RARB: variants seen among roughly 807,000 people sequenced by gnomAD.
RARB encodes retinoic acid receptor beta.
Under a neutral mutation model 51.9 loss-of-function variants are expected in RARB, and 17 were observed. The ratio of observed to expected loss-of-function variants is 0.33; its 90% CI spans 0.22 to 0.49. The LOEUF is 0.49. Ranked by LOEUF, RARB falls within the 20% of genes least tolerant of loss-of-function variation. RARB has a pLI of 0.99. For missense variants in RARB, 369 were observed against 550.8 expected (o/e 0.67, Z 3.30); for synonymous variants, 215 against 195.4 (o/e 1.10, Z -0.84).
At chr3:24,984,149 T>A (rs1040920829) in intron 2 of RARB, among the ~76,000 whole-genome samples, 1 of 152,152 alleles carries the variant, frequency 6.6e-6, no homozygotes, top group Non-Finnish European at 1.5e-5. Context: ...AAATGTAAGC[T>A]AAGCCAAGCA....
chr3:24,966,006 A>G (rs953431530), intron 2 of RARB, among the ~76,000 whole-genome samples: 14 of 152,206 alleles, frequency 9.2e-5, no homozygotes, highest in African/African-American at 3.4e-4. Flanking sequence ...GGAAAGTCAC[A>G]TTGGCCTGGT....
chr3:25,188,437 G>C (rs941850592), intron 5 of RARB, among the ~76,000 whole-genome samples: 1 of 152,070 alleles, frequency 6.6e-6, no homozygotes, highest in Non-Finnish European at 1.5e-5. Context: ...AAGATCAAAA[G>C]TATTCATGCC....
At chr3:25,169,894 G>A (rs1700614525) in intron 4 of RARB, among the ~76,000 whole-genome samples, 1 of 151,628 alleles carries the variant, frequency 6.6e-6, no homozygotes, top group Non-Finnish European at 1.5e-5. Flanking sequence ...AGACTGAGGT[G>A]GAAAGATTGC....
intron 2 of RARB, among the ~76,000 whole-genome samples, chr3:24,889,622 G>A (rs1247082940): frequency 6.6e-6 from 1 of 150,558 alleles, no homozygotes; most frequent in Non-Finnish European, 1.5e-5. Flanking sequence ...TTATTTGAGT[G>A]GTATGTCTTT....
intron 3 of RARB, among the ~76,000 whole-genome samples, chr3:25,121,721 G>C (rs1183530177): frequency 1.3e-5 from 2 of 152,096 alleles, no homozygotes; most frequent in Non-Finnish European, 2.9e-5. Flanking sequence ...GTAAATACTT[G>C]CTGAATTAAT....
At chr3:24,856,806 G>T (rs1197787282) in intron 1 of RARB, among the ~76,000 whole-genome samples, 1 of 152,166 alleles carries the variant, frequency 6.6e-6, no homozygotes, top group Non-Finnish European at 1.5e-5. Flanking sequence ...GTCAGACATA[G>T]TCTGAGGCAA....
intron 5 of RARB, among the ~76,000 whole-genome samples, chr3:25,200,318 G>C (rs1701358427): frequency 1.3e-5 from 2 of 150,978 alleles, no homozygotes; most frequent in African/African-American, 4.9e-5. Context: ...ATTTGTTTGA[G>C]TTCTCTGTAG....
chr3:25,522,721 C>T (rs906242260), intron 3 of RARB, among the ~76,000 whole-genome samples: 1 of 152,088 alleles, frequency 6.6e-6, no homozygotes, highest in Non-Finnish European at 1.5e-5. Context: ...AGCACAGCCC[C>T]GGGTAAGGGG....
At chr3:25,298,964 G>A (rs1327867558) in intron 5 of RARB, among the ~76,000 whole-genome samples, 1 of 152,096 alleles carries the variant, frequency 6.6e-6, no homozygotes, top group African/African-American at 2.4e-5. Flanking sequence ...ATGCTAACGT[G>A]CATTCCACAT....
At chr3:25,273,369 A>G (rs1297035204) in intron 5 of RARB, among the ~76,000 whole-genome samples, 2 of 152,208 alleles carry the variant, frequency 1.3e-5, no homozygotes, top group African/African-American at 4.8e-5. Flanking sequence ...TAACCTTTAA[A>G]ATCATCACCT....
At chr3:24,888,028 T>C (rs557424026) in intron 2 of RARB, among the ~76,000 whole-genome samples, 1 of 152,302 alleles carries the variant, frequency 6.6e-6, no homozygotes, top group Non-Finnish European at 1.5e-5. Flanking sequence ...TGTTGGATAC[T>C]GTTATTATAT....
chr3:25,496,791 CT>C (rs777994844), intron 2 of RARB, among the ~76,000 whole-genome samples: 1 of 152,306 alleles, frequency 6.6e-6, no homozygotes, highest in Non-Finnish European at 1.5e-5. Flanking sequence ...CCTGGGTTTA[CT>C]GAGAAAAGGA....
At position 25,216,926 on chromosome 3, in the gene RARB, T is replaced by C. The variant is rs184023805; in HGVS notation, c.178+42351T>C. Among the ~76,000 whole-genome samples the C allele has an allele frequency of 6.5e-3, 996 of 152,252 alleles. 7 individuals are homozygous for C. The highest frequency in any genetic ancestry group is 0.022 in the African/African-American group (896 of 41,540). On this transcript the variant is annotated intron_variant, in intron 5 of 11. Transcript: ENST00000383772. ...CATTCCCACACTGTAGAGTCCCATCTTTCTCTGGCCTATGTATTTTTTACA... is the reference window on the plus strand; with the variant it reads ...CATTCCCACACTGTAGAGTCCCATCCTTCTCTGGCCTATGTATTTTTTACA...
Position 25,421,403 on chromosome 3 carries a change from C to CTTTTTT in RARB, c.179-39767_179-39762dup, listed in dbSNP as rs766378555. On this transcript the variant is annotated intron_variant, in intron 5 of 11. Coordinates refer to the RARB transcript ENST00000383772. ...TTGCACTAACATTTTTTCTTCTTTTCTTTTTTTTTTTTTTTTTTTTTTTTT... is the reference window on the plus strand; with the variant it reads ...TTGCACTAACATTTTTTCTTCTTTTCTTTTTTTTTTTTTTTTTTTTTTTTTTTTTTT... Among the ~76,000 whole-genome samples, 624 of 72,372 alleles carry CTTTTTT rather than the reference C, an allele frequency of 8.6e-3. 13 individuals are homozygous for CTTTTTT. The highest frequency in any genetic ancestry group is 0.023 in the African/African-American group (362 of 15,498). The allele number at this position is 72,372 out of a possible 152,430, so 47.5% of individuals were successfully genotyped here.
chr3:25,177,979 C>A (rs1575198878), intron 5 of RARB, among the ~76,000 whole-genome samples: 1 of 152,070 alleles, frequency 6.6e-6, no homozygotes, highest in African/African-American at 2.4e-5. Context: ...AAGATCTTTT[C>A]AGCTCTAATA....
At chr3:25,499,074 C>G (rs1224032381) in intron 2 of RARB, among the ~76,000 whole-genome samples, 1 of 152,174 alleles carries the variant, frequency 6.6e-6, no homozygotes, top group African/African-American at 2.4e-5. Context: ...GATTTCCAGG[C>G]ACTTATAGTT....
intron 4 of RARB, among the ~76,000 whole-genome samples, chr3:25,135,811 C>G (rs1700024271): frequency 6.6e-6 from 1 of 151,838 alleles, no homozygotes; most frequent in Non-Finnish European, 1.5e-5. Context: ...CAATCAGGCA[C>G]CATGCACCAA....
At chr3:25,241,365 C>T (rs1702426685) in intron 5 of RARB, among the ~76,000 whole-genome samples, 1 of 152,030 alleles carries the variant, frequency 6.6e-6, no homozygotes, top group Admixed American at 6.6e-5. Context: ...GCAGAACATG[C>T]AGTTTTGTTA....
chr3:24,965,440 A>G (rs1442022247), intron 2 of RARB, among the ~76,000 whole-genome samples: 4 of 152,180 alleles, frequency 2.6e-5, no homozygotes, highest in Middle Eastern at 6.3e-3. Flanking sequence ...CTTTATGAGT[A>G]AAACAGGGTA....
Sources: gnomAD v4.1 joint callset for allele counts (sites outside exome capture counted in the v4.1 genomes callset) on GRCh38, gnomAD v4.1.1 for gene constraint, MANE v1.5 for transcripts, NCBI Gene and HGNC (gene_info 2026-07-23, HGNC 2026-07-21) for gene names.